Variants in FAM135B observed in about 807,000 individuals in gnomAD.
The protein encoded by FAM135B is family with sequence similarity 135 member B.
In FAM135B, 43 loss-of-function variants were observed where a neutral mutation model predicts 127.7. The observed-to-expected ratio is 0.34, with a 90% CI of 0.26 to 0.43. FAM135B has a LOEUF of 0.43. Ranked by LOEUF, FAM135B falls within the 20% of genes least tolerant of loss-of-function variation. FAM135B has a pLI of 1.00. For missense variants in FAM135B, 1,558 were observed against 1,725.6 expected (o/e 0.90, Z 1.72); for synonymous variants, 670 against 665.1 (o/e 1.01, Z -0.11).
chr8:138,169,158 C>T (rs1446390008), intron 11 of FAM135B, among the ~76,000 whole-genome samples: 7 of 152,058 alleles, frequency 4.6e-5, no homozygotes, highest in Admixed American at 1.3e-4. Context: ...ATTTCATATA[C>T]ATATCTATTT....
At position 138,423,342 on chromosome 8, in the gene FAM135B, C is replaced by T. The variant is rs574192780; in HGVS notation, c.-19-55340G>A. Among the ~76,000 whole-genome samples, 16 of 152,158 alleles carry T rather than the reference C, an allele frequency of 1.1e-4. No homozygotes were observed. In the South Asian group the frequency reaches 1.5e-3, roughly 14 times the overall value. ...GGGGAAAATTCAGCCAGATATCGGG[C>T]GAAATTCACCCCCGATATTTCACAT... is the stretch of plus-strand genomic sequence containing the variant. On this transcript the variant is annotated intron_variant, in intron 1 of 19. Coordinates refer to ENST00000395297, the MANE Select transcript of FAM135B (RefSeq NM_015912.4).
chr8:138,307,959 T>C (rs1826387585), intron 3 of FAM135B, among the ~76,000 whole-genome samples: 1 of 152,182 alleles, frequency 6.6e-6, no homozygotes, highest in South Asian at 2.1e-4. Context: ...TTTGGATAGT[T>C]GGCCAGAAAT....
chr8:138,457,989 A>AG (rs1836895304), intron 1 of FAM135B, among the ~76,000 whole-genome samples: 1 of 150,838 alleles, frequency 6.6e-6, no homozygotes, highest in African/African-American at 2.4e-5. Context: ...AAAAAAAAAA[A>AG]AAGAGAGAGA....
chr8:138,275,974 T>A (rs1823792328), intron 3 of FAM135B, among the ~76,000 whole-genome samples: 4 of 152,152 alleles, frequency 2.6e-5, no homozygotes, highest in African/African-American at 7.2e-5. Context: ...GTGAGCTGAA[T>A]CTTGGACAGA....
At chr8:138,305,261 T>C (rs1484184077) in intron 3 of FAM135B, among the ~76,000 whole-genome samples, 3 of 152,232 alleles carry the variant, frequency 2.0e-5, no homozygotes, top group Non-Finnish European at 1.5e-5. Context: ...TGTGCTATCT[T>C]TTCTCTTGCT....
At chr8:138,174,358 G>A (rs934975504) in intron 11 of FAM135B, among the ~76,000 whole-genome samples, 1 of 152,106 alleles carries the variant, frequency 6.6e-6, no homozygotes, top group Non-Finnish European at 1.5e-5. Context: ...CCTCCCCGGG[G>A]TGACTACCTT....
chr8:138,437,164 GAGA>G (rs1835501848), intron 1 of FAM135B: 2 of 152,344 alleles, frequency 1.3e-5, no homozygotes, highest in South Asian at 2.1e-4. Flanking sequence ...TTTAGAAATA[GAGA>G]AGAATAAAGT....
intron 1 of FAM135B, among the ~76,000 whole-genome samples, chr8:138,490,257 T>C (rs561851935): frequency 9.1e-4 from 139 of 152,328 alleles, no homozygotes; most frequent in Admixed American, 3.0e-3. Context: ...TTCTTTCAGA[T>C]ACCAGACTCC....
At chr8:138,308,843 G>A (rs751456108) in intron 3 of FAM135B, 1 of 266,840 alleles carries the variant, frequency 3.7e-6, no homozygotes, top group Non-Finnish European at 7.6e-6. Context: ...CTTGACGGGA[G>A]CCTGGGCATG....
rs1326235532 is a variant in FAM135B at position 138,218,366 on chromosome 8, T to C, written c.670-20697A>G. Among the ~76,000 whole-genome samples the C allele has an allele frequency of 2.0e-5, 3 of 152,284 alleles. No individual in the cohort carries two copies. In the East Asian group the frequency reaches 5.8e-4, roughly 29 times the overall value. On this transcript the variant is annotated intron_variant, in intron 7 of 19. Transcript: ENST00000395297. ...TACACATTAATCATGAGAACGACCA[T>C]AGAAGTCACATGGGGATAGCAATAT...
intron 12 of FAM135B, among the ~76,000 whole-genome samples, chr8:138,165,415 T>TA (rs199547196): frequency 0.014 from 2,112 of 152,218 alleles, 39 homozygotes; most frequent in Middle Eastern, 0.051. Context: ...CCACTGTGAC[T>TA]GGCCAAGGGA....
Position 138,197,420 on chromosome 8 carries a change from T to C in FAM135B, c.823+96A>G, listed in dbSNP as rs1160416457. ...CCTACCTGGACCAGGGTTATTCCTG[T>C]GACATTTACAAAAGCATGCCAGCTT... On this transcript the variant is annotated intron_variant, in intron 8 of 19. Transcript: ENST00000395297. 5 of 1,443,912 alleles carry C rather than the reference T, an allele frequency of 3.5e-6. No individual in the cohort carries two copies. The South Asian group carries it at 4.0e-5, about 12-fold the overall frequency. 89.4% of individuals were successfully genotyped at this position (1,443,912 alleles called of 1,614,324 possible).
intron 2 of FAM135B, among the ~76,000 whole-genome samples, chr8:138,364,435 C>T (rs1345045586): frequency 6.6e-6 from 1 of 152,210 alleles, no homozygotes; most frequent in Non-Finnish European, 1.5e-5. Flanking sequence ...GTCTAATTCA[C>T]TTCACCAAAA....
intron 7 of FAM135B, among the ~76,000 whole-genome samples, chr8:138,230,233 A>C (rs1819809981): frequency 6.6e-6 from 1 of 152,120 alleles, no homozygotes; most frequent in East Asian, 1.9e-4. Flanking sequence ...CTCTTTTTCC[A>C]CACCTAGAGT....
intron 2 of FAM135B, among the ~76,000 whole-genome samples, chr8:138,340,273 T>C (rs1258685871): frequency 6.6e-6 from 1 of 151,870 alleles, no homozygotes; most frequent in Non-Finnish European, 1.5e-5. Context: ...ACCAGAACAA[T>C]ACGAACGATA....
intron 3 of FAM135B, among the ~76,000 whole-genome samples, chr8:138,274,187 G>A (rs952627128): frequency 6.6e-6 from 1 of 152,046 alleles, no homozygotes; most frequent in Non-Finnish European, 1.5e-5. Context: ...AACCTGCCCC[G>A]ATATTCACGT....
chr8:138,148,420 G>A (rs1563684746), intron 14 of FAM135B, 100 bp downstream of exon 14: 10 of 964,582 alleles, frequency 1.0e-5, no homozygotes, highest in Non-Finnish European at 1.5e-5. Context: ...GTTGCTAATT[G>A]AACATTCTGT....
intron 3 of FAM135B, among the ~76,000 whole-genome samples, chr8:138,300,744 C>CT (rs34292545): frequency 0.42 from 42,347 of 99,850 alleles, 11,218 homozygotes; most frequent in Non-Finnish European, 0.55. Flanking sequence ...ATTTTATCCA[C>CT]TTTTTTTTTT....
At chr8:138,251,983 TG>T (rs897621695) in intron 5 of FAM135B, among the ~76,000 whole-genome samples, 77 of 152,342 alleles carry the variant, frequency 5.1e-4, no homozygotes, top group African/African-American at 1.6e-3. Flanking sequence ...CCATAGGCTT[TG>T]CTTCCTTGAA....
Sources: allele counts gnomAD v4.1 joint callset (sites outside exome capture counted in the v4.1 genomes callset), GRCh38; gene constraint gnomAD v4.1.1; transcripts MANE v1.5; gene names NCBI Gene and HGNC (gene_info 2026-07-23, HGNC 2026-07-21).